TBK1: variants seen among roughly 807,000 people sequenced by gnomAD.
The protein encoded by TBK1 is TANK binding kinase 1.
TBK1 carries 37 observed loss-of-function variants against 99.9 expected under a neutral mutation model. That is an observed-to-expected ratio of 0.37 (90% CI 0.28 to 0.49). TBK1 has a LOEUF of 0.49. Among genes scored for constraint, TBK1 ranks in the 20% least tolerant of loss-of-function variants. TBK1 has a pLI of 0.98. For synonymous variants in TBK1, 258 were observed against 279.8 expected, an observed-to-expected ratio of 0.92 and a Z score of 0.78; for missense variants, 644 against 872.5, an observed-to-expected ratio of 0.74 and a Z score of 3.30.
chr12:64,496,698 G>A (rs541907791), intron 16 of TBK1, among the ~76,000 whole-genome samples: 1 of 152,248 alleles, frequency 6.6e-6, no homozygotes, highest in Admixed American at 6.5e-5. Context: ...ACATAGGCAA[G>A]GGCAGACTTA....
Position 64,466,986 on chromosome 12 carries a change from T to C in TBK1, c.444T>C (p.Asp148=). The C allele has an allele frequency of 6.2e-7, 1 of 1,613,064 alleles. No individual in the cohort carries two copies. Among genetic ancestry groups the C allele is most frequent in the Non-Finnish European group, 8.5e-7 (1 of 1,179,492 alleles). ...ATATCATGCGTGTTATAGGGGAAGA[T>C]GGACAGTCTGTGTACAAACTCACAG... ...PGNIMRVIGE[D]GQSVYKLTDF... is the part of the protein sequence containing the mutation. The change falls in exon 5 of 21, where the codon GAT becomes GAC. Residue 148 remains aspartate, a synonymous_variant. Transcript: ENST00000331710.
intron 7 of TBK1, 77 bp downstream of exon 7, chr12:64,480,199 C>A: frequency 2.1e-6 from 2 of 932,064 alleles, no homozygotes; most frequent in South Asian, 3.3e-5. Flanking sequence ...CACAGATACT[C>A]AAATACTGAA....
chr12:64,460,486 G>A (rs2040535799), intron 3 of TBK1, among the ~76,000 whole-genome samples, 157 bp downstream of exon 3: 1 of 151,892 alleles, frequency 6.6e-6, no homozygotes, highest in Non-Finnish European at 1.5e-5. Context: ...TAGAACAATA[G>A]AAATAAAATA....
In TBK1 at chr12:64,501,932, A is replaced by C. The variant is rs1868249710; in HGVS notation, c.*551A>C. On this transcript the variant is annotated 3_prime_UTR_variant, in exon 21 of 21. Coordinates refer to ENST00000331710, the MANE Select transcript of TBK1 (RefSeq NM_013254.4). Reference sequence around the variant, plus strand: ...CCTTGTATCCATGTAATTTCAGATGAATTATTAAGCAAACATTTTAAAGTG... The same window carrying C: ...CCTTGTATCCATGTAATTTCAGATGCATTATTAAGCAAACATTTTAAAGTG... The C allele has an allele frequency of 6.6e-6, 1 of 152,600 alleles. No individual in the cohort carries two copies. Among genetic ancestry groups the C allele is most frequent in the Non-Finnish European group, 1.5e-5 (1 of 68,046 alleles). The allele number at this position is 152,600 out of a possible 1,614,324, so 9.5% of individuals were successfully genotyped here. A position where few individuals can be genotyped will look rare whatever the true frequency, so the allele number is the denominator to read the frequency against.
At chr12:64,461,418 G>C (rs1345130530) in intron 3 of TBK1, among the ~76,000 whole-genome samples, 1 of 151,870 alleles carries the variant, frequency 6.6e-6, no homozygotes. Flanking sequence ...AAAATCTTTG[G>C]GAAAAAATGT....
At chr12:64,468,599 A>G (rs1030842101) in intron 5 of TBK1, among the ~76,000 whole-genome samples, 4 of 152,168 alleles carry the variant, frequency 2.6e-5, no homozygotes, top group Non-Finnish European at 4.4e-5. Context: ...TCAGACTTCT[A>G]TGGTGAACTA....
chr12:64,497,928 C>A, intron 19 of TBK1, 40 bp from the exon 20 acceptor site: 2 of 1,547,030 alleles, frequency 1.3e-6, no homozygotes, highest in Non-Finnish European at 1.8e-6. Context: ...AAAACATTTG[C>A]ATACTGTTTT....
At chr12:64,452,718 C>A (rs1012495095) in intron 1 of TBK1, 27 of 152,246 alleles carry the variant, frequency 1.8e-4, no homozygotes, top group African/African-American at 6.3e-4. Flanking sequence ...TTGACTCACA[C>A]CGGAAATTAG....
chr12:64,467,156 G>GA, intron 5 of TBK1, 74 bp downstream of exon 5: 1 of 1,149,826 alleles, frequency 8.7e-7, no homozygotes, highest in Non-Finnish European at 1.2e-6. Context: ...TAATTGGTCA[G>GA]CCAATTCACT....
At chr12:64,455,564 A>G (rs113044376) in intron 1 of TBK1, among the ~76,000 whole-genome samples, 200 of 152,356 alleles carry the variant, frequency 1.3e-3, no homozygotes, top group African/African-American at 4.5e-3. Context: ...GTAAAAATCT[A>G]CATTGGCTAG....
At chr12:64,464,295 T>C (rs969538676) in intron 3 of TBK1, 39 bp from the exon 4 acceptor site, 10 of 1,515,330 alleles carry the variant, frequency 6.6e-6, no homozygotes, top group Non-Finnish European at 8.0e-6. Context: ...CAAAATTTAT[T>C]TTTTATGTTG....
At chr12:64,484,549 G>C (rs867482603) in intron 9 of TBK1, 50 bp downstream of exon 9, 1 of 1,531,716 alleles carries the variant, frequency 6.5e-7, no homozygotes, top group Middle Eastern at 1.8e-4. Flanking sequence ...GAAAAATACA[G>C]CCAGCCTGGG....
intron 13 of TBK1, among the ~76,000 whole-genome samples, chr12:64,490,767 G>A (rs957362741): frequency 5.9e-5 from 9 of 151,712 alleles, no homozygotes; most frequent in Non-Finnish European, 7.4e-5. Context: ...GTGAAACCCC[G>A]TGTCATTAGC....
In TBK1 at chr12:64,490,015, A is replaced by T. The variant is rs758724065; in HGVS notation, c.1443-26A>T. ...ACTATGTATTGATTATACTCATTTA[A>T]TTTTCTCTTTTGACTTTTCATACAG... On this transcript the variant is annotated intron_variant, in intron 12 of 20. Coordinates refer to ENST00000331710, the MANE Select transcript of TBK1 (RefSeq NM_013254.4). 4 of 1,506,514 alleles carry T rather than the reference A, an allele frequency of 2.7e-6. No homozygotes were observed. In the South Asian group the frequency reaches 4.8e-5, roughly 18 times the overall value. 93.3% of individuals were successfully genotyped at this position (1,506,514 alleles called of 1,614,324 possible). A position where few individuals can be genotyped will look rare whatever the true frequency, so the allele number is the denominator to read the frequency against.
intron 3 of TBK1, among the ~76,000 whole-genome samples, chr12:64,460,914 C>T (rs540920239): frequency 4.5e-4 from 68 of 151,296 alleles, no homozygotes; most frequent in Non-Finnish European, 6.6e-4. Context: ...AACCCTGTCT[C>T]TGTAAAAAAT....
intron 6 of TBK1, 66 bp from the exon 7 acceptor site, chr12:64,479,946 C>A: frequency 1.8e-6 from 2 of 1,111,902 alleles, no homozygotes; most frequent in South Asian, 1.4e-5. Flanking sequence ...AATACTTTTG[C>A]AAAGCCCATT....
At position 64,499,791 on chromosome 12, in the gene TBK1, G is replaced by A. The variant is rs370946770; in HGVS notation, c.2139-1539G>A. ...TGGCTCACTGCAACCTCCACCTCCC[G>A]AGTTCAAGCGTTTCTCCTGCCTCAG... On this transcript the variant is annotated intron_variant, in intron 20 of 20. Transcript: ENST00000331710. Among the ~76,000 whole-genome samples, 7 of 132,426 alleles carry A rather than the reference G, an allele frequency of 5.3e-5. No homozygotes were observed. The East Asian group carries it at 1.5e-3, about 29-fold the overall frequency. The allele number at this position is 132,426 out of a possible 152,430, so 86.9% of individuals were successfully genotyped here.
chr12:64,453,263 A>G (rs2040447482), intron 1 of TBK1, among the ~76,000 whole-genome samples: 1 of 152,244 alleles, frequency 6.6e-6, no homozygotes, highest in African/African-American at 2.4e-5. Context: ...ATTTGCATAG[A>G]GAACAGATAT....
rs777807444 is a variant in TBK1, at chr12:64,495,643, A to G, written c.1643+39A>G. ...TTATGCGTAGTTTCTGCTCTTATTA[A>G]TGTCCTTTTTCACATTGACTCAGTT... On this transcript the variant is annotated intron_variant, in intron 14 of 20. Coordinates refer to ENST00000331710, the MANE Select transcript of TBK1 (RefSeq NM_013254.4). 4 of 1,612,818 alleles carry G rather than the reference A, an allele frequency of 2.5e-6. No individual in the cohort carries two copies. In the South Asian group the frequency reaches 4.4e-5, roughly 18 times the overall value.
Sources: allele counts gnomAD v4.1 joint callset (sites outside exome capture counted in the v4.1 genomes callset), GRCh38; gene constraint gnomAD v4.1.1; transcripts MANE v1.5; gene names NCBI Gene and HGNC (gene_info 2026-07-23, HGNC 2026-07-21).